Variants in ACE observed in about 807,000 individuals in gnomAD.
ACE encodes the protein angiotensin-converting enzyme.
ACE carries 122 observed loss-of-function variants against 162.3 expected under a neutral mutation model. That is an observed-to-expected ratio of 0.75 (90% CI 0.65 to 0.87). ACE has a LOEUF of 0.87. Among genes scored for constraint, ACE ranks in the 40% least tolerant of loss-of-function variants. The probability of loss-of-function intolerance (pLI) is 0.00; values close to 1 mark genes in which losing one functional copy is unlikely to be tolerated. For missense variants in ACE, 1,799 were observed against 1,735.1 expected (o/e 1.04, Z -0.65); for synonymous variants, 796 against 720.6 (o/e 1.10, Z -1.68).
chr17:63,484,537 C>A lies in ACE; in HGVS notation c.1917C>A (p.Gly639=). Residue 639 remains glycine, a synonymous_variant, in exon 12 of 25, where the codon GGC becomes GGA. Transcript: ENST00000290866. The surrounding 1 kb of genome is among the most constrained non-coding windows in gnomAD (Gnocchi z 4.0). ...HPPLPDNYPE[G]IDLVTDEAEA... is the part of the protein sequence containing the mutation. Reference sequence around the variant, plus strand: ...CGTTGCCTGACAACTACCCGGAGGGCATAGGTAAAGCCCTGAGTGAGGATG... The same window carrying A: ...CGTTGCCTGACAACTACCCGGAGGGAATAGGTAAAGCCCTGAGTGAGGATG... 1 of 1,610,960 alleles carries A rather than the reference C, an allele frequency of 6.2e-7. No homozygotes were observed. The highest frequency in any genetic ancestry group is 2.2e-5 in the East Asian group (1 of 44,822).
rs747170925 is a variant in ACE, at chr17:63,488,589, C to T, written c.2306-59C>T. On this transcript the variant is annotated intron_variant, in intron 15 of 24. Coordinates refer to ENST00000290866, the MANE Select transcript of ACE (RefSeq NM_000789.4). ...TTCCAGCTCTGAAATTCTCTGAGCT[C>T]CCCTTACAAGCAGAGGTGAGCTAAG... The T allele has an allele frequency of 6.3e-5, 99 of 1,564,896 alleles. No individual in the cohort carries two copies. In the South Asian group the frequency reaches 7.1e-4, roughly 11 times the overall value.
At chr17:63,490,388 C>G (rs1477339061) in intron 17 of ACE, 3 of 167,016 alleles carry the variant, frequency 1.8e-5, no homozygotes, top group Non-Finnish European at 3.9e-5. Context: ...ACACCGACCT[C>G]AGGTGGTGCG....
chr17:63,483,412 C>G, intron 9 of ACE, 48 bp from the exon 10 acceptor site: 1 of 1,551,124 alleles, frequency 6.4e-7, no homozygotes, highest in East Asian at 2.2e-5. Flanking sequence ...TTAAATCCAT[C>G]TGTTTGCAAC....
Position 63,485,375 on chromosome 17 carries a change from G to A in ACE, c.2058+3G>A. ...CCACAGAGACCAGCAAGATTCTGGTGGGAGCCACCTCCCCACCCCCAAACC... is the reference window on the plus strand; with the variant it reads ...CCACAGAGACCAGCAAGATTCTGGTAGGAGCCACCTCCCCACCCCCAAACC... On this transcript the variant is annotated splice_donor_region_variant and intron_variant, in intron 13 of 24. Coordinates refer to ENST00000290866, the MANE Select transcript of ACE (RefSeq NM_000789.4). The A allele has an allele frequency of 6.2e-7, 1 of 1,613,830 alleles. No individual in the cohort carries two copies. The highest frequency in any genetic ancestry group is 8.5e-7 in the Non-Finnish European group (1 of 1,179,954).
intron 19 of ACE, 131 bp from the exon 20 acceptor site, chr17:63,493,305 A>G: frequency 4.8e-6 from 4 of 838,672 alleles, no homozygotes; most frequent in South Asian, 3.2e-5. Context: ...CTCCCTCCCC[A>G]CAGTGCTGTG....
chr17:63,492,542 G>A (rs2030451307), intron 19 of ACE, among the ~76,000 whole-genome samples: 1 of 152,196 alleles, frequency 6.6e-6, no homozygotes, highest in Non-Finnish European at 1.5e-5. Context: ...GCCCTTGTGG[G>A]GTCTTCCCTT....
chr17:63,479,023 G>A lies in ACE; in HGVS notation c.434G>A (p.Ser145Asn), dbSNP rs768306471. The change falls in exon 3 of 25, where the codon AGC becomes AAC. Residue 145 changes from serine to asparagine, a missense_variant. Coordinates refer to ENST00000290866, the MANE Select transcript of ACE (RefSeq NM_000789.4). ...AKRQQYNALL[S>N]NMSRIYSTAK... ...ACTCCCCAGTACAACGCCCTGCTAA[G>A]CAACATGAGCAGGATCTACTCCACC... The A allele has an allele frequency of 3.1e-6, 5 of 1,613,436 alleles. No homozygotes were observed. Among genetic ancestry groups the A allele is most frequent in the Non-Finnish European group, 4.2e-6 (5 of 1,179,852 alleles).
chr17:63,478,229 AG>A, intron 2 of ACE, 131 bp downstream of exon 2: 1 of 1,187,924 alleles, frequency 8.4e-7, no homozygotes, highest in Non-Finnish European at 1.2e-6. Context: ...GGGAAAGCCC[AG>A]GTAAGCACAG....
intron 15 of ACE, among the ~76,000 whole-genome samples, chr17:63,487,954 G>T (rs1222752860): frequency 6.6e-6 from 1 of 152,220 alleles, no homozygotes; most frequent in East Asian, 1.9e-4. Context: ...GGGGAGGCTG[G>T]CCGGGTGTGG....
chr17:63,494,205 TGTAA>T, intron 21 of ACE, 139 bp downstream of exon 21: 1 of 1,345,846 alleles, frequency 7.4e-7, no homozygotes, highest in East Asian at 2.5e-5. Flanking sequence ...ATGTGTGTGG[TGTAA>T]GTGATGGGGA....
chr17:63,478,805 C>A (rs113571237), intron 2 of ACE: 1 of 634,488 alleles, frequency 1.6e-6, no homozygotes, highest in Non-Finnish European at 2.9e-6. Context: ...GTCCCCCACT[C>A]CACAGGCTGC....
Position 63,497,151 on chromosome 17 carries a change from C to G in ACE, c.3706C>G (p.Pro1236Ala). The change falls in exon 25 of 25, where the codon CCC becomes GCC. Residue 1236 changes from proline to alanine, a missense_variant. Coordinates refer to ENST00000290866, the MANE Select transcript of ACE (RefSeq NM_000789.4). ...WTPNSARSEGPLPDSGRVSFL... is the reference protein window; with the variant it reads ...WTPNSARSEGALPDSGRVSFL... ...TTCCCGCTCAGCTCGCTCAGAAGGG[C>G]CCCTCCCAGACAGCGGCCGCGTCAG... 6.2e-7 allele frequency: 1 copy of G among 1,604,154 alleles called. No individual in the cohort carries two copies.
chr17:63,491,940 A>G lies in ACE; in HGVS notation c.2912+559A>G, dbSNP rs917739962. On this transcript the variant is annotated intron_variant, in intron 19 of 24. Transcript: ENST00000290866. This position sits in a 1 kb window ranked among gnomAD's most constrained non-coding sequence, Gnocchi z 4.4. ...TACACAGTGGAAATGGCCTTTCTCT[A>G]CAGGGCCCCCTCTGTTGGGGGCAGC... Among the ~76,000 whole-genome samples the G allele has an allele frequency of 2.6e-5, 4 of 152,210 alleles. No homozygotes were observed. The highest frequency in any genetic ancestry group is 2.6e-4 in the Admixed American group (4 of 15,278).
intron 19 of ACE, among the ~76,000 whole-genome samples, chr17:63,492,797 G>T (rs1015506745): frequency 6.6e-6 from 1 of 152,170 alleles, no homozygotes; most frequent in African/African-American, 2.4e-5. Context: ...CGAGGCAGGA[G>T]GTCTGCTTGA....
chr17:63,477,253 C>T lies in ACE; in HGVS notation c.159C>T (p.Tyr53=). ...EAGAQLFAQS[Y]NSSAEQVLFQ... is the part of the protein sequence containing the mutation. ...GGGCGCAGCTCTTCGCGCAGAGCTACAACTCCAGCGCCGAACAGGTGCTGT... is the reference window on the plus strand; with the variant it reads ...GGGCGCAGCTCTTCGCGCAGAGCTATAACTCCAGCGCCGAACAGGTGCTGT... Residue 53 remains tyrosine (Y), a synonymous_variant, in exon 1 of 25, where the codon TAC becomes TAT. Coordinates refer to ENST00000290866, the MANE Select transcript of ACE (RefSeq NM_000789.4). 1 of 1,505,274 alleles carries T rather than the reference C, an allele frequency of 6.6e-7. No individual in the cohort carries two copies. Among genetic ancestry groups the T allele is most frequent in the Non-Finnish European group, 8.9e-7 (1 of 1,129,448 alleles). 93.2% of individuals were successfully genotyped at this position (1,505,274 alleles called of 1,614,324 possible).
chr17:63,477,464 C>T (rs2049636497), intron 1 of ACE, 121 bp downstream of exon 1: 2 of 807,802 alleles, frequency 2.5e-6, no homozygotes, highest in Admixed American at 1.1e-4. Flanking sequence ...GACCCCGGAC[C>T]CTCGCCCCGA....
rs767425642 is a variant in ACE at position 63,489,010 on chromosome 17, G to A, written c.2519G>A (p.Arg840Gln). Residue 840 changes from arginine to glutamine, a missense_variant, in exon 17 of 25, where the codon CGG becomes CAG. Physicochemically the swap from Arg to Gln is conservative, Grantham distance 43. Coordinates refer to ENST00000290866, the MANE Select transcript of ACE (RefSeq NM_000789.4). The part of the protein sequence containing the change: ...ETPSLEQDLE[R>Q]LFQELQPLYL... ...CCATCCCTGGAGCAAGACCTGGAGC[G>A]GCTCTTCCAGGAGCTGCAGCCACTC... The A allele has an allele frequency of 9.9e-6, 16 of 1,614,114 alleles. No homozygotes were observed. Among genetic ancestry groups the A allele is most frequent in the East Asian group, 4.5e-5 (2 of 44,870 alleles).
Position 63,480,337 on chromosome 17 carries a change from G to T in ACE, c.656G>T (p.Gly219Val), listed in dbSNP as rs769812428. 5 of 1,613,774 alleles carry T rather than the reference G, an allele frequency of 3.1e-6. No individual in the cohort carries two copies. The South Asian group carries it at 5.5e-5, about 18-fold the overall frequency. ...ALSNEAYKQD[G>V]FTDTGAYWRS... ...ACATACCTCACCCCCACGCCCCCAGGCTTCACAGACACGGGGGCCTACTGG... is the reference window on the plus strand; with the variant it reads ...ACATACCTCACCCCCACGCCCCCAGTCTTCACAGACACGGGGGCCTACTGG... Residue 219 changes from glycine (G) to valine (V), a missense_variant and splice_region_variant, in exon 5 of 25, where the codon GGC (glycine) becomes GTC (valine). By Grantham distance (109) the Gly-to-Val change is moderately radical. Coordinates refer to ENST00000290866, the MANE Select transcript of ACE (RefSeq NM_000789.4).
chr17:63,477,291 C>T lies in ACE; in HGVS notation c.197C>T (p.Ala66Val), dbSNP rs1377707308. The T allele has an allele frequency of 6.9e-7, 1 of 1,449,902 alleles. No individual in the cohort carries two copies. The allele number at this position is 1,449,902 out of a possible 1,614,324, so 89.8% of individuals were successfully genotyped here. The change falls in exon 1 of 25, where the codon GCC becomes GTC. Residue 66 changes from alanine to valine, a missense_variant. Coordinates refer to ENST00000290866, the MANE Select transcript of ACE (RefSeq NM_000789.4). ...GAACAGGTGCTGTTCCAGAGCGTGG[C>T]CGCCAGCTGGGCGCACGACACCAAC... ...SAEQVLFQSV[A>V]ASWAHDTNIT... is the part of the protein sequence containing the mutation.
Sources: gnomAD v4.1 joint callset for allele counts (sites outside exome capture counted in the v4.1 genomes callset) on GRCh38, gnomAD v4.1.1 for gene constraint, Gnocchi (gnomAD v3.1) non-coding constraint, MANE v1.5 for transcripts, NCBI Gene and HGNC (gene_info 2026-07-23, HGNC 2026-07-21) for gene names.